BTBD1: variants seen among roughly 807,000 people sequenced by gnomAD.
The protein encoded by BTBD1 is BTB domain containing 1.
In BTBD1, 34 loss-of-function variants were observed where a neutral mutation model predicts 48.0. The observed-to-expected ratio is 0.71, with a 90% confidence interval of 0.54 to 0.94. The LOEUF (loss-of-function observed/expected upper bound fraction) is 0.94, where lower values mean the gene tolerates loss of function less well. Among genes scored for constraint, BTBD1 ranks in the 40% least tolerant of loss-of-function variants. The probability of loss-of-function intolerance (pLI) is 0.00; values close to 1 mark genes in which losing one functional copy is unlikely to be tolerated. For missense variants in BTBD1, 543 were observed against 625.6 expected (o/e 0.87, Z 1.41); for synonymous variants, 261 against 242.1 (o/e 1.08, Z -0.72).
At chr15:83,032,328 A>C (rs1348785421) in intron 4 of BTBD1, among the ~76,000 whole-genome samples, 4 of 152,128 alleles carry the variant, frequency 2.6e-5, no homozygotes. Context: ...CTCCAAAAAA[A>C]AAAAAGAACT....
At chr15:83,033,271 G>C (rs901598699) in intron 4 of BTBD1, among the ~76,000 whole-genome samples, 4 of 152,074 alleles carry the variant, frequency 2.6e-5, no homozygotes, top group Non-Finnish European at 4.4e-5. Context: ...AAAAAGAGTT[G>C]AGAGAATCTG....
At chr15:83,064,034 A>G (rs1337044761) in intron 1 of BTBD1, among the ~76,000 whole-genome samples, 2 of 152,254 alleles carry the variant, frequency 1.3e-5, no homozygotes, top group South Asian at 2.1e-4. Flanking sequence ...AGGGAGGCAT[A>G]TAGTATTTGT....
At chr15:83,059,240 T>A (rs540135007) in intron 1 of BTBD1, among the ~76,000 whole-genome samples, 1 of 152,302 alleles carries the variant, frequency 6.6e-6, no homozygotes, top group East Asian at 1.9e-4. Context: ...TTGCACTAGC[T>A]GCTCAGATAA....
intron 5 of BTBD1, among the ~76,000 whole-genome samples, chr15:83,026,122 A>G (rs984633145): frequency 6.6e-6 from 1 of 152,140 alleles, no homozygotes; most frequent in Admixed American, 6.5e-5. Flanking sequence ...CATTCATATC[A>G]TTGTACAACT....
intron 1 of BTBD1, among the ~76,000 whole-genome samples, chr15:83,066,133 A>G (rs946161147): frequency 6.6e-6 from 1 of 151,768 alleles, no homozygotes; most frequent in Non-Finnish European, 1.5e-5. Flanking sequence ...CTCTACCAAA[A>G]ATAAAAATAA....
chr15:83,051,030 CAAA>C (rs11423630), intron 2 of BTBD1, among the ~76,000 whole-genome samples: 2 of 124,102 alleles, frequency 1.6e-5, no homozygotes. Flanking sequence ...CCCTCCCCCA[CAAA>C]AAAAAAAAAA....
At chr15:83,062,766 G>A (rs1041914791) in intron 1 of BTBD1, among the ~76,000 whole-genome samples, 1 of 152,166 alleles carries the variant, frequency 6.6e-6, no homozygotes, top group Non-Finnish European at 1.5e-5. Context: ...TCTCACTTTG[G>A]TTGATGGGAG....
At chr15:83,039,362 T>TA (rs200833820) in intron 4 of BTBD1, among the ~76,000 whole-genome samples, 1,691 of 151,704 alleles carry the variant, frequency 0.011, 26 homozygotes, top group African/African-American at 0.038. Context: ...CCTATTAAAA[T>TA]AAAAAAAACA....
intron 1 of BTBD1, 47 bp downstream of exon 1, chr15:83,066,704 C>T: frequency 8.9e-7 from 1 of 1,123,444 alleles, no homozygotes; most frequent in Non-Finnish European, 1.1e-6. Context: ...CCCAGCCCGG[C>T]CCGGCCCGGC....
At chr15:83,055,285 T>C (rs965585813) in intron 2 of BTBD1, among the ~76,000 whole-genome samples, 2 of 152,186 alleles carry the variant, frequency 1.3e-5, no homozygotes, top group African/African-American at 4.8e-5. Context: ...TGAGACAGCG[T>C]TTCCCTCTGT....
chr15:83,045,918 T>C (rs2032869151), intron 3 of BTBD1, among the ~76,000 whole-genome samples: 1 of 152,220 alleles, frequency 6.6e-6, no homozygotes, highest in Non-Finnish European at 1.5e-5. Context: ...TGTAAATTCA[T>C]TTTGTTCTAT....
chr15:83,053,902 C>G (rs1485927483), intron 2 of BTBD1, among the ~76,000 whole-genome samples: 1 of 152,166 alleles, frequency 6.6e-6, no homozygotes, highest in Non-Finnish European at 1.5e-5. Context: ...ACAATCAGCT[C>G]CCAGTACATT....
chr15:83,029,389 CTTGAT>C (rs1567103791), intron 5 of BTBD1, among the ~76,000 whole-genome samples: 1 of 152,208 alleles, frequency 6.6e-6, no homozygotes, highest in Non-Finnish European at 1.5e-5. Flanking sequence ...TTTCAAGATT[CTTGAT>C]TTTTTTCTCA....
intron 2 of BTBD1, among the ~76,000 whole-genome samples, chr15:83,053,436 G>C (rs2033029073): frequency 6.6e-6 from 1 of 151,952 alleles, no homozygotes; most frequent in African/African-American, 2.4e-5. Flanking sequence ...GTTAATCCTT[G>C]CTACCCAACA....
At chr15:83,025,756 T>C (rs990650958) in intron 5 of BTBD1, among the ~76,000 whole-genome samples, 2 of 152,168 alleles carry the variant, frequency 1.3e-5, no homozygotes, top group Non-Finnish European at 2.9e-5. Flanking sequence ...GGTAAAGTTA[T>C]GTACCATTTT....
chr15:83,040,004 C>CGG, intron 4 of BTBD1, among the ~76,000 whole-genome samples: 1 of 150,194 alleles, frequency 6.7e-6, no homozygotes, highest in Non-Finnish European at 1.5e-5. Context: ...CACACACACA[C>CGG]ACACACACAC....
chr15:83,041,694 T>C, intron 4 of BTBD1, 34 bp downstream of exon 4: 1 of 1,599,914 alleles, frequency 6.3e-7, no homozygotes, highest in South Asian at 1.1e-5. Context: ...ATTAAAACAG[T>C]TTCAAATAGA....
At chr15:83,030,054 A>G (rs2032485051) in intron 5 of BTBD1, 82 bp downstream of exon 5, 2 of 1,192,700 alleles carry the variant, frequency 1.7e-6, no homozygotes, top group Admixed American at 4.2e-5. Context: ...ATGTTGGTTA[A>G]TTATCTCCCA....
At chr15:83,060,188 TAAAA>T (rs1297713284) in intron 1 of BTBD1, among the ~76,000 whole-genome samples, 2 of 152,024 alleles carry the variant, frequency 1.3e-5, no homozygotes, top group Admixed American at 6.6e-5. Context: ...TCATTTCTAA[TAAAA>T]AAAGTTACTT....
Sources: allele counts gnomAD v4.1 joint callset (sites outside exome capture counted in the v4.1 genomes callset), GRCh38; gene constraint gnomAD v4.1.1; transcripts MANE v1.5; gene names NCBI Gene and HGNC (gene_info 2026-07-23, HGNC 2026-07-21).